MEIG1: variants seen among roughly 807,000 people sequenced by gnomAD.
MEIG1 encodes meiosis/spermiogenesis associated 1, also known as meiosis expressed gene 1 protein homolog.
Under a neutral mutation model 11.3 loss-of-function variants are expected in MEIG1, and 12 were observed. The ratio of observed to expected loss-of-function variants is 1.07; its 90% confidence interval spans 0.68 to 1.73. The LOEUF (loss-of-function observed/expected upper bound fraction) is 1.73, where lower values mean the gene tolerates loss of function less well. Among genes scored for constraint, MEIG1 ranks in the 40% most tolerant of loss-of-function variants. The probability of loss-of-function intolerance (pLI) is 0.00; values close to 1 mark genes in which losing one functional copy is unlikely to be tolerated. For synonymous variants in MEIG1, 41 were observed against 33.2 expected, an observed-to-expected ratio of 1.24 and a Z score of -0.81; for missense variants, 119 against 104.9, an observed-to-expected ratio of 1.13 and a Z score of -0.59.
intron 2 of MEIG1, among the ~76,000 whole-genome samples, chr10:14,970,801 C>T (rs1198718504): frequency 6.6e-6 from 1 of 152,284 alleles, no homozygotes; most frequent in East Asian, 1.9e-4. Context: ...AGAAAAGGTG[C>T]AGGACTACCT....
intron 1 of MEIG1, among the ~76,000 whole-genome samples, chr10:14,977,909 G>A (rs1448350684): frequency 1.3e-5 from 2 of 151,950 alleles, no homozygotes; most frequent in Non-Finnish European, 2.9e-5. Context: ...ATCCTAGAAA[G>A]ATGTTGCTGC....
At chr10:14,964,082 G>A (rs1317026506) in intron 1 of MEIG1, among the ~76,000 whole-genome samples, 4 of 135,514 alleles carry the variant, frequency 3.0e-5, no homozygotes, top group African/African-American at 8.4e-5. Context: ...TGGTGACAGA[G>A]CGAGACTCCG....
At chr10:14,972,079 A>G (rs1843157481) in intron 2 of MEIG1, among the ~76,000 whole-genome samples, 1 of 150,100 alleles carries the variant, frequency 6.7e-6, no homozygotes, top group African/African-American at 2.5e-5. Context: ...CAGTGGCGCC[A>G]TCTAGAGTCA....
chr10:14,961,114 A>C (rs1214366646), intron 1 of MEIG1, among the ~76,000 whole-genome samples: 1 of 152,226 alleles, frequency 6.6e-6, no homozygotes, highest in Non-Finnish European at 1.5e-5. Flanking sequence ...TGGTAGGTCG[A>C]AAATGCATTT....
upstream of MEIG1, among the ~76,000 whole-genome samples, chr10:14,959,251 T>TA (rs1842982329): frequency 6.6e-6 from 1 of 152,196 alleles, no homozygotes; most frequent in African/African-American, 2.4e-5. Flanking sequence ...ACCTGGGACC[T>TA]ACATTGGCTT....
intron 2 of MEIG1, among the ~76,000 whole-genome samples, chr10:14,968,510 A>C (rs972817282): frequency 6.6e-6 from 1 of 152,120 alleles, no homozygotes; most frequent in African/African-American, 2.4e-5. Context: ...TAATTAATTA[A>C]ATTAAAATTT....
chr10:14,970,104 T>G (rs1246468971), intron 2 of MEIG1: 1 of 152,146 alleles, frequency 6.6e-6, no homozygotes, highest in Non-Finnish European at 1.5e-5. Flanking sequence ...AAGGCTTGCT[T>G]TGGGTGGGAT....
intron 1 of MEIG1, among the ~76,000 whole-genome samples, chr10:14,965,774 C>T (rs768609010): frequency 2.0e-5 from 3 of 150,910 alleles, no homozygotes; most frequent in Non-Finnish European, 2.9e-5. Context: ...ATCTACTGAG[C>T]ATGTTTTCAG....
chr10:14,964,745 A>G (rs934843749), intron 1 of MEIG1, among the ~76,000 whole-genome samples: 16 of 141,190 alleles, frequency 1.1e-4, no homozygotes, highest in South Asian at 9.1e-4. Context: ...CAGCCTCCCA[A>G]GTAGCTGTGA....
intron 1 of MEIG1, among the ~76,000 whole-genome samples, chr10:14,981,429 G>C (rs148635055): frequency 2.0e-5 from 3 of 152,150 alleles, no homozygotes; most frequent in Admixed American, 6.5e-5. Context: ...ACTGATGAAT[G>C]ACTTGATGTC....
chr10:14,983,262 A>C (rs1216376851), intron 1 of MEIG1, among the ~76,000 whole-genome samples: 4 of 152,118 alleles, frequency 2.6e-5, no homozygotes, highest in African/African-American at 4.8e-5. Context: ...TATTCCTCCT[A>C]ATATTCACGG....
intron 1 of MEIG1, among the ~76,000 whole-genome samples, chr10:14,961,178 G>C (rs1843008401): frequency 6.6e-6 from 1 of 152,160 alleles, no homozygotes; most frequent in African/African-American, 2.4e-5. Flanking sequence ...CCCTGCAGTT[G>C]GGCAACATCA....
At chr10:14,959,030 T>C (rs1842979985), upstream of MEIG1, among the ~76,000 whole-genome samples, 1 of 152,056 alleles carries the variant, frequency 6.6e-6, no homozygotes, top group African/African-American at 2.4e-5. Flanking sequence ...CTATTGTAGG[T>C]TTACTGATTG....
upstream of MEIG1, among the ~76,000 whole-genome samples, chr10:14,956,242 T>C (rs1024618507): frequency 6.6e-6 from 1 of 152,128 alleles, no homozygotes; most frequent in Non-Finnish European, 1.5e-5. Flanking sequence ...TTCTAGGTGA[T>C]TCTGATGGAC....
At chr10:14,959,927 T>C (rs1411784766) in intron 1 of MEIG1, among the ~76,000 whole-genome samples, 1 of 152,206 alleles carries the variant, frequency 6.6e-6, no homozygotes, top group Non-Finnish European at 1.5e-5. Context: ...GTTAGTGATT[T>C]ATGGCAGAAA....
chr10:14,986,176 T>C (rs1297833219), intron 1 of MEIG1, among the ~76,000 whole-genome samples: 1 of 152,156 alleles, frequency 6.6e-6, no homozygotes, highest in Admixed American at 6.5e-5. Context: ...AAATACAACA[T>C]TAGCTGGGCG....
rs146501566 is a variant in MEIG1, at chr10:14,983,048, A to G, written n.67-3748A>G. 1.1e-4 allele frequency among the ~76,000 whole-genome samples: 17 copies of G among 152,266 alleles called. No homozygotes were observed. In the East Asian group the frequency reaches 2.9e-3, roughly 26 times the overall value. On this transcript the variant is annotated intron_variant and non_coding_transcript_variant, in intron 1 of 2. Coordinates refer to the MEIG1 transcript ENST00000467536. Reference sequence around the variant, plus strand: ...TAATAATAAATGAGGAAGAATTAATATGAATATTATGCCTAATACCCCAGT... The same window carrying G: ...TAATAATAAATGAGGAAGAATTAATGTGAATATTATGCCTAATACCCCAGT...
At chr10:14,969,822 C>T (rs761261379) in intron 2 of MEIG1, among the ~76,000 whole-genome samples, 2 of 152,126 alleles carry the variant, frequency 1.3e-5, no homozygotes, top group Non-Finnish European at 2.9e-5. Context: ...GGCGACAGAG[C>T]GAGACTCCCC....
chr10:14,979,203 A>C (rs1170234808), intron 1 of MEIG1, among the ~76,000 whole-genome samples: 1 of 151,786 alleles, frequency 6.6e-6, no homozygotes, highest in Non-Finnish European at 1.5e-5. Context: ...ACACGCTGTG[A>C]TATTACCCGT....
Sources: allele counts gnomAD v4.1 joint callset (sites outside exome capture counted in the v4.1 genomes callset), GRCh38; gene constraint gnomAD v4.1.1; transcripts MANE v1.5; gene names NCBI Gene and HGNC (gene_info 2026-07-23, HGNC 2026-07-21).